Variants in PLXNA1 observed in about 807,000 individuals in gnomAD.
The protein encoded by PLXNA1 is plexin A1, also known as plexin-A1.
PLXNA1 carries 77 observed loss-of-function variants against 191.7 expected under a neutral mutation model. The ratio of observed to expected loss-of-function variants is 0.40; its 90% confidence interval spans 0.33 to 0.49. PLXNA1 has a LOEUF of 0.49. Among genes scored for constraint, PLXNA1 ranks in the 20% least tolerant of loss-of-function variants. The pLI, the probability that PLXNA1 is intolerant of heterozygous loss-of-function variation, is 0.63. For missense variants in PLXNA1, 2,110 were observed against 2,660.2 expected (o/e 0.79, Z 4.55); for synonymous variants, 1,137 against 1,156.4 (o/e 0.98, Z 0.34).
intron 20 of PLXNA1, among the ~76,000 whole-genome samples, chr3:127,019,560 C>T (rs926037637): frequency 1.3e-5 from 2 of 152,186 alleles, no homozygotes; most frequent in South Asian, 2.1e-4. Context: ...CGCCTGGCAG[C>T]GATGCCCAGG....
In PLXNA1 at chr3:126,983,131, G is replaced by C. The variant is rs1185434745; in HGVS notation, c.-230G>C. 6.9e-6 allele frequency among the ~76,000 whole-genome samples: 1 copy of C among 145,580 alleles called. No individual in the cohort carries two copies. Among genetic ancestry groups the C allele is most frequent in the African/African-American group, 2.5e-5 (1 of 40,732 alleles). ...CGGCGCCCCATTCATGCTGGGCATC[G>C]GCTGCGCGGCCACGCAGCGGAGCCC... On this transcript the variant is annotated 5_prime_UTR_variant, in exon 1 of 32. Coordinates refer to ENST00000393409, the MANE Select transcript of PLXNA1 (RefSeq NM_032242.4).
intron 24 of PLXNA1, 21 bp from the exon 25 acceptor site, chr3:127,028,160 C>T: frequency 6.2e-7 from 1 of 1,613,276 alleles, no homozygotes; most frequent in Non-Finnish European, 8.5e-7. Flanking sequence ...ACGCTGCCCC[C>T]TTGCTCCACC....
At chr3:126,983,590 G>A (rs926967822) in intron 1 of PLXNA1, among the ~76,000 whole-genome samples, 28 of 147,476 alleles carry the variant, frequency 1.9e-4, no homozygotes, top group Middle Eastern at 3.5e-3. Flanking sequence ...ACCGCGGCCC[G>A]GGATCCAGCG....
At chr3:127,016,340 C>A (rs966583766) in intron 15 of PLXNA1, among the ~76,000 whole-genome samples, 177 bp from the exon 16 acceptor site, 8 of 152,208 alleles carry the variant, frequency 5.3e-5, no homozygotes, top group African/African-American at 1.9e-4. Context: ...GGAGCCAGGG[C>A]GAGGGTAGGA....
Position 127,029,107 on chromosome 3 carries a change from G to A in PLXNA1, c.4773+11G>A. On this transcript the variant is annotated intron_variant, in intron 26 of 31. Coordinates refer to ENST00000393409, the MANE Select transcript of PLXNA1 (RefSeq NM_032242.4). ...CTGGCTCACTACCAGGTGGCTCCCG[G>A]CCCTCCGACCCTAGCACAGGCCTCC... The A allele has an allele frequency of 6.2e-7, 1 of 1,608,088 alleles. No homozygotes were observed. Among genetic ancestry groups the A allele is most frequent in the Non-Finnish European group, 8.5e-7 (1 of 1,175,210 alleles).
At chr3:127,021,977 C>G in intron 21 of PLXNA1, 108 bp from the exon 22 acceptor site, 1 of 1,481,778 alleles carries the variant, frequency 6.7e-7, no homozygotes. Flanking sequence ...GGCCTGTCCT[C>G]TGATGGGGCC....
In PLXNA1 at chr3:127,024,317, C is replaced by T. The variant is rs370085831; in HGVS notation, c.4362+1499C>T. Among the ~76,000 whole-genome samples the T allele has an allele frequency of 3.9e-5, 6 of 152,270 alleles. No homozygotes were observed. The South Asian group carries it at 1.2e-3, about 32-fold the overall frequency. ...GCTTCAGCCAGCGCAGAGTGTGGCCCCACAGGGTATTATAAGCAGAGAGGG... is the reference window on the plus strand; with the variant it reads ...GCTTCAGCCAGCGCAGAGTGTGGCCTCACAGGGTATTATAAGCAGAGAGGG... On this transcript the variant is annotated intron_variant, in intron 23 of 31. Transcript: ENST00000393409.
At chr3:127,015,741 T>C (rs1054746872) in intron 15 of PLXNA1, among the ~76,000 whole-genome samples, 1 of 152,232 alleles carries the variant, frequency 6.6e-6, no homozygotes, top group Non-Finnish European at 1.5e-5. Flanking sequence ...TTACCCGTTA[T>C]CAGACTAATC....
At chr3:127,003,849 C>T (rs2079052895) in intron 4 of PLXNA1, among the ~76,000 whole-genome samples, 1 of 152,218 alleles carries the variant, frequency 6.6e-6, no homozygotes, top group Non-Finnish European at 1.5e-5. Flanking sequence ...AGTCCTCAGG[C>T]CTAGGGCTGG....
Position 127,010,631 on chromosome 3 carries a change from G to A in PLXNA1, c.2113-1327G>A, listed in dbSNP as rs532138416. Among the ~76,000 whole-genome samples the A allele has an allele frequency of 4.2e-3, 634 of 152,212 alleles. 2 individuals are homozygous for A. Among genetic ancestry groups the A allele is most frequent in the Non-Finnish European group, 5.9e-3 (398 of 68,008 alleles). On this transcript the variant is annotated intron_variant, in intron 9 of 31. Coordinates refer to ENST00000393409, the MANE Select transcript of PLXNA1 (RefSeq NM_032242.4). Reference sequence around the variant, plus strand: ...GGGCCAGCCACATTGGCCTTGATGCGTGCTGGGCCCACACGCTCACACTGG... The same window carrying A: ...GGGCCAGCCACATTGGCCTTGATGCATGCTGGGCCCACACGCTCACACTGG...
At chr3:126,983,466 G>GCGCGTGTCCGCGGCC (rs1455921051) in intron 1 of PLXNA1, among the ~76,000 whole-genome samples, 179 bp downstream of exon 1, 5 of 146,098 alleles carry the variant, frequency 3.4e-5, no homozygotes, top group Non-Finnish European at 7.6e-5. Flanking sequence ...GGACTGCGGC[G>GCGCGTGTCCGCGGCC]CGCGTGTCCG....
chr3:126,983,621 C>G (rs1440745954), intron 1 of PLXNA1, among the ~76,000 whole-genome samples: 11 of 148,476 alleles, frequency 7.4e-5, no homozygotes, highest in Middle Eastern at 3.5e-3. Context: ...CCCCGCCCCC[C>G]GGCCGGGCCC....
chr3:127,029,370 C>T lies in PLXNA1; in HGVS notation c.4774-70C>T, dbSNP rs533846026. On this transcript the variant is annotated intron_variant, in intron 26 of 31. Transcript: ENST00000393409. ...CTAGGGTGTCACCGGGGTCCCCAGCCGGGGAGTGGGAGCCTGGTGGTGCAG... is the reference window on the plus strand; with the variant it reads ...CTAGGGTGTCACCGGGGTCCCCAGCTGGGGAGTGGGAGCCTGGTGGTGCAG... 60 of 1,454,838 alleles carry T rather than the reference C, an allele frequency of 4.1e-5. No homozygotes were observed. In the African/African-American group the frequency reaches 5.9e-4, roughly 14 times the overall value. 90.1% of individuals were successfully genotyped at this position (1,454,838 alleles called of 1,614,324 possible).
Position 126,989,493 on chromosome 3 carries a change from T to A in PLXNA1, c.900T>A (p.Ile300=), listed in dbSNP as rs888256326. The change falls in exon 2 of 32, where the codon ATT becomes ATA. Residue 300 remains isoleucine (I), a synonymous_variant. Transcript: ENST00000393409. ...PKFYSYVEFP[I]GCEQAGVEYR... ...TCTACTCGTACGTTGAGTTCCCCATTGGCTGCGAGCAGGCGGGTGTGGAGT... is the reference window on the plus strand; with the variant it reads ...TCTACTCGTACGTTGAGTTCCCCATAGGCTGCGAGCAGGCGGGTGTGGAGT... 1 of 1,613,494 alleles carries A rather than the reference T, an allele frequency of 6.2e-7. No individual in the cohort carries two copies. The highest frequency in any genetic ancestry group is 1.3e-5 in the African/African-American group (1 of 74,920).
At chr3:127,020,163 A>G in intron 20 of PLXNA1, 39 bp from the exon 21 acceptor site, 4 of 1,606,724 alleles carry the variant, frequency 2.5e-6, no homozygotes, top group Non-Finnish European at 3.4e-6. Flanking sequence ...GAGCGGGGCC[A>G]CCAGGGCATG....
In PLXNA1 at chr3:127,034,004, C is replaced by T. The variant is rs1267088984; in HGVS notation, c.5678C>T (p.Ala1893Val). Residue 1893 changes from alanine (A) to valine (V), a missense_variant, in exon 32 of 32, where the codon GCC becomes GTC. This residue lies in a region of PLXNA1 where 559 missense variants were observed against 911.5 expected (regional missense o/e 0.61). Transcript: ENST00000393409. ...SKLEQVVDTM[A>V]LSS ...CTGGAGCAGGTGGTGGACACGATGG[C>T]CCTGAGCAGCTGAGCCCCAGCTGTG... The T allele has an allele frequency of 3.1e-6, 5 of 1,600,864 alleles. No homozygotes were observed. In the African/African-American group the frequency reaches 5.3e-5, roughly 17 times the overall value.
intron 3 of PLXNA1, among the ~76,000 whole-genome samples, chr3:127,002,624 C>G (rs1432723364): frequency 6.6e-6 from 1 of 152,236 alleles, no homozygotes; most frequent in Non-Finnish European, 1.5e-5. Context: ...ACCCTGGACT[C>G]AGAGCTGGGC....
intron 8 of PLXNA1, among the ~76,000 whole-genome samples, chr3:127,007,027 C>G (rs148882490): frequency 1.3e-5 from 2 of 152,180 alleles, no homozygotes; most frequent in African/African-American, 4.8e-5. Context: ...GAGCAACTGC[C>G]GTGAGCCAAG....
At chr3:127,014,937 A>ACT (rs1352333791) in intron 14 of PLXNA1, 106 bp downstream of exon 14, 1 of 1,494,368 alleles carries the variant, frequency 6.7e-7, no homozygotes. Flanking sequence ...ATGCTCTGCC[A>ACT]CTGCTTTTCC....
Sources: gnomAD v4.1 joint callset for allele counts (sites outside exome capture counted in the v4.1 genomes callset) on GRCh38, gnomAD v4.1.1 for gene constraint, gnomAD v4.1.1 regional missense constraint, MANE v1.5 for transcripts, NCBI Gene and HGNC (gene_info 2026-07-23, HGNC 2026-07-21) for gene names.